TAB1: variants seen among roughly 807,000 people sequenced by gnomAD.
The protein encoded by TAB1 is TGF-beta-activated kinase 1 and MAP3K7-binding protein 1.
TAB1 carries 30 observed loss-of-function variants against 54.5 expected under a neutral mutation model. The observed-to-expected ratio is 0.55, with a 90% CI of 0.41 to 0.75. TAB1 has a LOEUF of 0.75. Among genes scored for constraint, TAB1 ranks in the 30% least tolerant of loss-of-function variants. The probability of loss-of-function intolerance (pLI) is 0.00; values close to 1 mark genes in which losing one functional copy is unlikely to be tolerated. For synonymous variants in TAB1, 289 were observed against 286.9 expected (o/e 1.01, Z -0.07); for missense variants, 609 against 683.2 (o/e 0.89, Z 1.21).
chr22:39,425,909 G>A (rs1000105901), intron 8 of TAB1, among the ~76,000 whole-genome samples: 2 of 141,626 alleles, frequency 1.4e-5, no homozygotes, highest in Admixed American at 7.3e-5. Context: ...GTCTTGCCCT[G>A]TTGGCCAGGC....
At chr22:39,436,556 C>T (rs750548641), downstream of TAB1, 9 of 1,613,480 alleles carry the variant, frequency 5.6e-6, no homozygotes, top group East Asian at 1.1e-4. Flanking sequence ...TCCTGGGCAG[C>T]CTGACCCCAG....
intron 1 of TAB1, among the ~76,000 whole-genome samples, chr22:39,405,097 G>A (rs1187490525): frequency 6.6e-6 from 1 of 152,166 alleles, no homozygotes; most frequent in African/African-American, 2.4e-5. Context: ...AGCATAATTT[G>A]GTATTCAAGC....
chr22:39,415,804 C>T lies in TAB1; in HGVS notation c.324+151C>T, dbSNP rs921968912. The T allele has an allele frequency of 9.7e-6, 10 of 1,027,542 alleles. No homozygotes were observed. The highest frequency in any genetic ancestry group is 1.4e-5 in the Non-Finnish European group (10 of 720,912). 63.7% of individuals were successfully genotyped at this position (1,027,542 alleles called of 1,614,324 possible). On this transcript the variant is annotated intron_variant, in intron 3 of 10. Transcript: ENST00000216160. This position sits in a 1 kb window ranked among gnomAD's most constrained non-coding sequence, Gnocchi z 4.9. ...GAGGAGCAGCTCCCAGCGTAGGCCC[C>T]CCCACCCAACAGGAGTCCAGGACCA...
chr22:39,430,493 G>A lies in TAB1; in HGVS notation c.*271G>A. ...GCCCTTTCTCAGAGCAGAGGGCCAG[G>A]TATAGAAACCGCAGTGGGCCTGCAA... On this transcript the variant is annotated 3_prime_UTR_variant, in exon 11 of 11. Coordinates refer to ENST00000216160, the MANE Select transcript of TAB1 (RefSeq NM_006116.3). 2 of 1,348,872 alleles carry A rather than the reference G, an allele frequency of 1.5e-6. No homozygotes were observed. The highest frequency in any genetic ancestry group is 3.2e-5 in the South Asian group (2 of 62,798). The allele number at this position is 1,348,872 out of a possible 1,614,324, so 83.6% of individuals were successfully genotyped here.
chr22:39,417,514 T>G lies in TAB1; in HGVS notation c.412-197T>G, dbSNP rs144742537. Among the ~76,000 whole-genome samples the G allele has an allele frequency of 6.1e-3, 930 of 151,924 alleles. 13 individuals carry two copies. Among genetic ancestry groups the G allele is most frequent in the East Asian group, 0.044 (225 of 5,160 alleles). ...GGGCGCCTTGTAGTCCCAGCTACTC[T>G]CGAGGCTGAAGCAGGAGAATGGTGT... On this transcript the variant is annotated intron_variant, in intron 4 of 10. Coordinates refer to ENST00000216160, the MANE Select transcript of TAB1 (RefSeq NM_006116.3).
At chr22:39,407,995 A>G (rs1226441605) in intron 1 of TAB1, among the ~76,000 whole-genome samples, 2 of 152,206 alleles carry the variant, frequency 1.3e-5, no homozygotes, top group African/African-American at 4.8e-5. Flanking sequence ...ACAGAGTAGC[A>G]TGTTCAGAAA....
At chr22:39,433,628 C>G, downstream of TAB1, 3 of 985,384 alleles carry the variant, frequency 3.0e-6, no homozygotes, top group Non-Finnish European at 3.6e-6. Flanking sequence ...CTGGTCGTCT[C>G]ATTCTCTCAT....
rs542574617 is a variant in TAB1 at position 39,430,178 on chromosome 22, T to C, written c.1471T>C (p.Trp491Arg). Reference sequence around the variant, plus strand: ...GGACTTTGCTGAGTTTTACCGCCTCTGGAGCGTGGACCATGGCGAGCAGAG... The same window carrying C: ...GGACTTTGCTGAGTTTTACCGCCTCCGGAGCGTGGACCATGGCGAGCAGAG... The part of the protein sequence containing the change: ...YVDFAEFYRL[W>R]SVDHGEQSVV... The change falls in exon 11 of 11, where the codon TGG becomes CGG. Residue 491 changes from tryptophan to arginine, a missense_variant. Coordinates refer to ENST00000216160, the MANE Select transcript of TAB1 (RefSeq NM_006116.3). The C allele has an allele frequency of 6.2e-7, 1 of 1,613,754 alleles. No homozygotes were observed. Among genetic ancestry groups the C allele is most frequent in the Admixed American group, 1.7e-5 (1 of 60,030 alleles).
chr22:39,427,937 T>G, intron 9 of TAB1, 84 bp from the exon 10 acceptor site: 1 of 1,349,986 alleles, frequency 7.4e-7, no homozygotes, highest in Non-Finnish European at 1.0e-6. Context: ...CACCACCCCA[T>G]CAGGCCATGG....
chr22:39,412,892 CT>C (rs34847488), intron 1 of TAB1, among the ~76,000 whole-genome samples: 216 of 90,464 alleles, frequency 2.4e-3, no homozygotes, highest in South Asian at 4.1e-3. Context: ...TATCCTGCAA[CT>C]TTTTTTTTTT....
rs1272706259 is a variant in TAB1 at position 39,430,115 on chromosome 22, C to T, written c.1408C>T (p.Leu470Phe). The T allele has an allele frequency of 1.4e-5, 23 of 1,614,080 alleles. No individual in the cohort carries two copies. Among genetic ancestry groups the T allele is most frequent in the Non-Finnish European group, 1.9e-5 (22 of 1,180,050 alleles). The change falls in exon 11 of 11, where the codon CTC (leucine) becomes TTC (phenylalanine). Residue 470 changes from leucine (L) to phenylalanine (F), a missense_variant. By Grantham distance (22) the Leu-to-Phe change is conservative. Coordinates refer to ENST00000216160, the MANE Select transcript of TAB1 (RefSeq NM_006116.3). ...GLFRSRPAHS[L>F]PPGEDGRVEP... Reference sequence around the variant, plus strand: ...CTTCCGCTCCCGGCCCGCCCACTCGCTCCCGCCTGGCGAGGACGGTCGTGT... The same window carrying T: ...CTTCCGCTCCCGGCCCGCCCACTCGTTCCCGCCTGGCGAGGACGGTCGTGT...
At chr22:39,412,021 G>T (rs1001969894) in intron 1 of TAB1, among the ~76,000 whole-genome samples, 5 of 151,706 alleles carry the variant, frequency 3.3e-5, no homozygotes, top group African/African-American at 1.2e-4. Context: ...ATGTGACATT[G>T]TGTGACATTG....
chr22:39,418,727 C>T lies in TAB1; in HGVS notation c.551-5C>T. 6.2e-7 allele frequency: 1 copy of T among 1,609,036 alleles called. No homozygotes were observed. Among genetic ancestry groups the T allele is most frequent in the Non-Finnish European group, 8.5e-7 (1 of 1,175,356 alleles). On this transcript the variant is annotated splice_polypyrimidine_tract_variant and splice_region_variant and intron_variant, in intron 5 of 10. Transcript: ENST00000216160. ...CTTTGCTTAGCTGTTCACATTCTGC[C>T]ACAGGTACAAACCGTGCACTTTTAT... is the stretch of plus-strand genomic sequence containing the variant.
chr22:39,404,858 C>T (rs1926295206), intron 1 of TAB1, among the ~76,000 whole-genome samples: 1 of 152,074 alleles, frequency 6.6e-6, no homozygotes. Context: ...ATGAAAACTC[C>T]GGTGGGAGAA....
At chr22:39,399,911 C>G in intron 1 of TAB1, 76 bp downstream of exon 1, 5 of 1,497,618 alleles carry the variant, frequency 3.3e-6, no homozygotes, top group East Asian at 2.5e-5. Flanking sequence ...GGAACGGCTC[C>G]TTCTCCGAGT....
rs971057442 is a variant in TAB1, at chr22:39,415,182, G to A, written c.170+40G>A. On this transcript the variant is annotated intron_variant, in intron 2 of 10. Transcript: ENST00000216160. The surrounding 1 kb of genome is among the most constrained non-coding windows in gnomAD (Gnocchi z 4.9). ...ATTTCTGTGTTGGGCCCGGGGAGTT[G>A]GTTGGTTTGCAAGCAAGGAAAGACA... 1.2e-5 allele frequency: 18 copies of A among 1,536,028 alleles called. No homozygotes were observed. The highest frequency in any genetic ancestry group is 6.0e-5 in the Admixed American group (3 of 49,756).
intron 1 of TAB1, among the ~76,000 whole-genome samples, chr22:39,405,442 G>A (rs140605249): frequency 6.6e-5 from 10 of 152,366 alleles, no homozygotes; most frequent in South Asian, 2.1e-4. Context: ...TAAGTCCTGC[G>A]TTCGCTGTTG....
In TAB1 at chr22:39,421,961, AG is replaced by A; in HGVS notation, c.913del (p.Ala305ProfsTer8). On this transcript the variant is annotated frameshift_variant, in exon 8 of 11. Transcript: ENST00000216160. LOFTEE classifies it high-confidence loss of function. ...KALEAAHGPG[Q>X]ANQEIAAMID... ...CTAGAGGCAGCCCATGGGCCTGGGC[AG>A]GCCAACCAGGTGAGTTGGGCCCAGC... 1.9e-6 allele frequency: 3 copies of A among 1,555,094 alleles called. No homozygotes were observed. The highest frequency in any genetic ancestry group is 2.6e-6 in the Non-Finnish European group (3 of 1,154,336).
At chr22:39,426,235 A>G (rs1035664951) in intron 8 of TAB1, among the ~76,000 whole-genome samples, 6 of 152,216 alleles carry the variant, frequency 3.9e-5, no homozygotes, top group Admixed American at 2.0e-4. Context: ...TCTGTATACT[A>G]GACAGGGACT....
Sources: gnomAD v4.1 joint callset for allele counts (sites outside exome capture counted in the v4.1 genomes callset) on GRCh38, gnomAD v4.1.1 for gene constraint, Gnocchi (gnomAD v3.1) non-coding constraint, MANE v1.5 for transcripts, NCBI Gene and HGNC (gene_info 2026-07-23, HGNC 2026-07-21) for gene names.